KCNQ3: variants seen among roughly 807,000 people sequenced by gnomAD.
KCNQ3 encodes potassium voltage-gated channel subfamily Q member 3.
Under a neutral mutation model 92.5 loss-of-function variants are expected in KCNQ3, and 30 were observed. The observed-to-expected ratio is 0.32, with a 90% confidence interval of 0.24 to 0.44. The LOEUF is 0.44. KCNQ3 is among the 20% of genes least tolerant of loss of function. The pLI is 1.00. For synonymous variants in KCNQ3, 450 were observed against 468.8 expected, an observed-to-expected ratio of 0.96 and a Z score of 0.52; for missense variants, 913 against 1,140.3, an observed-to-expected ratio of 0.80 and a Z score of 2.87.
intron 1 of KCNQ3, among the ~76,000 whole-genome samples, chr8:132,458,232 C>T (rs1256330876): frequency 1.3e-5 from 2 of 152,188 alleles, no homozygotes; most frequent in East Asian, 1.9e-4. Flanking sequence ...AGGTTCCTAC[C>T]TCCCAGCAAC....
intron 1 of KCNQ3, among the ~76,000 whole-genome samples, chr8:132,476,683 T>TAA (rs1822420473): frequency 6.6e-6 from 1 of 152,232 alleles, no homozygotes; most frequent in Non-Finnish European, 1.5e-5. Flanking sequence ...ACTTTTTTTT[T>TAA]ATTTTACAGG....
At chr8:132,291,592 T>C (rs73360803) in intron 1 of KCNQ3, among the ~76,000 whole-genome samples, 3,926 of 152,326 alleles carry the variant, frequency 0.026, 186 homozygotes, top group African/African-American at 0.089. Flanking sequence ...CCAATGTTTA[T>C]CCATTATTGT....
chr8:132,172,431 C>CACACACAG (rs777793487), intron 7 of KCNQ3, among the ~76,000 whole-genome samples, 167 bp downstream of exon 7: 7 of 150,694 alleles, frequency 4.6e-5, no homozygotes, highest in Admixed American at 1.3e-4. Flanking sequence ...CACACACACA[C>CACACACAG]ACACAGACAC....
At chr8:132,459,621 C>T (rs1481283013) in intron 1 of KCNQ3, among the ~76,000 whole-genome samples, 5 of 152,252 alleles carry the variant, frequency 3.3e-5, no homozygotes, top group African/African-American at 1.2e-4. Context: ...CCCCTACTTT[C>T]AACACTGGGC....
intron 8 of KCNQ3, among the ~76,000 whole-genome samples, chr8:132,164,784 A>G (rs1826093839): frequency 6.6e-6 from 1 of 152,108 alleles, no homozygotes; most frequent in Non-Finnish European, 1.5e-5. Flanking sequence ...AGCACTGTCC[A>G]TTCCTCTTTC....
At chr8:132,134,126 C>T (rs1019441291) in intron 13 of KCNQ3, among the ~76,000 whole-genome samples, 164 bp downstream of exon 13, 2 of 152,178 alleles carry the variant, frequency 1.3e-5, no homozygotes, top group Admixed American at 1.3e-4. Flanking sequence ...GTACAGAAAC[C>T]TTTCAAATGG....
At chr8:132,454,253 C>T (rs116572380) in intron 1 of KCNQ3, among the ~76,000 whole-genome samples, 2,006 of 152,208 alleles carry the variant, frequency 0.013, 36 homozygotes, top group African/African-American at 0.046. Context: ...TAGGTTCCAT[C>T]CCAGCTTCAC....
At chr8:132,165,449 T>C (rs569323618) in intron 8 of KCNQ3, among the ~76,000 whole-genome samples, 11 of 152,358 alleles carry the variant, frequency 7.2e-5, no homozygotes, top group African/African-American at 2.4e-4. Context: ...TAGATCATGG[T>C]TGCTAACAGT....
At chr8:132,468,285 G>C (rs1178514244) in intron 1 of KCNQ3, among the ~76,000 whole-genome samples, 1 of 152,126 alleles carries the variant, frequency 6.6e-6, no homozygotes, top group African/African-American at 2.4e-5. Flanking sequence ...TAGTCCAATT[G>C]GGCTAAGCGA....
intron 1 of KCNQ3, among the ~76,000 whole-genome samples, chr8:132,414,790 C>T (rs1449968958): frequency 6.6e-6 from 1 of 152,176 alleles, no homozygotes. Flanking sequence ...AACGCATGAC[C>T]CACCTCATTT....
At chr8:132,355,322 C>T (rs1409648266) in intron 1 of KCNQ3, among the ~76,000 whole-genome samples, 1 of 152,000 alleles carries the variant, frequency 6.6e-6, no homozygotes, top group African/African-American at 2.4e-5. Flanking sequence ...CTCTGTGCCT[C>T]CCCTCCACTC....
chr8:132,411,713 A>G (rs1820656979), intron 1 of KCNQ3, among the ~76,000 whole-genome samples: 1 of 152,160 alleles, frequency 6.6e-6, no homozygotes, highest in African/African-American at 2.4e-5. Flanking sequence ...ACCCAAAGGA[A>G]CTAGAAGCTG....
rs972988245 is a variant in KCNQ3 at position 132,125,784 on chromosome 8, C to G, written c.*3478G>C. On this transcript the variant is annotated 3_prime_UTR_variant, in exon 15 of 15. Transcript: ENST00000388996. ...TTATCTAGTTATGTTTTCATGAAAA[C>G]TAGGGCTTTGTAATATCAATGTCAT... 9.9e-5 allele frequency: 15 copies of G among 152,228 alleles called. No individual in the cohort carries two copies. The highest frequency in any genetic ancestry group is 3.6e-4 in the African/African-American group (15 of 41,550). 9.4% of individuals were successfully genotyped at this position (152,228 alleles called of 1,614,324 possible). A position where few individuals can be genotyped will look rare whatever the true frequency, so the allele number is the denominator to read the frequency against.
chr8:132,197,495 A>G (rs1827331440), intron 1 of KCNQ3, among the ~76,000 whole-genome samples: 1 of 152,218 alleles, frequency 6.6e-6, no homozygotes, highest in African/African-American at 2.4e-5. Context: ...GCTAGAGACA[A>G]GCCATTAGCT....
intron 1 of KCNQ3, among the ~76,000 whole-genome samples, chr8:132,221,405 T>C (rs886849418): frequency 2.0e-5 from 3 of 152,246 alleles, no homozygotes; most frequent in Non-Finnish European, 4.4e-5. Flanking sequence ...TCTTCCACAA[T>C]GGTTGAACTA....
chr8:132,405,724 TCATTTCTTCATTCCATCAA>T (rs1820459038), intron 1 of KCNQ3, among the ~76,000 whole-genome samples: 1 of 152,184 alleles, frequency 6.6e-6, no homozygotes, highest in South Asian at 2.1e-4. Context: ...TAGAGTACAA[TCATTTCTTCATTCCATCAA>T]CATTTCTTCA....
At chr8:132,234,069 G>T (rs966169211) in intron 1 of KCNQ3, among the ~76,000 whole-genome samples, 1 of 152,178 alleles carries the variant, frequency 6.6e-6, no homozygotes, top group African/African-American at 2.4e-5. Context: ...GACAAACCGG[G>T]ACATGTGGCC....
intron 1 of KCNQ3, among the ~76,000 whole-genome samples, chr8:132,416,130 C>T (rs760306551): frequency 6.6e-6 from 1 of 152,148 alleles, no homozygotes; most frequent in African/African-American, 2.4e-5. Context: ...GAGGCACTCA[C>T]GTTTGTTGTT....
At chr8:132,320,862 C>A (rs1023688900) in intron 1 of KCNQ3, among the ~76,000 whole-genome samples, 1 of 152,172 alleles carries the variant, frequency 6.6e-6, no homozygotes, top group African/African-American at 2.4e-5. Context: ...CAGCAGAAGC[C>A]CTCTATTCAC....
Sources: gnomAD v4.1 joint callset for allele counts (sites outside exome capture counted in the v4.1 genomes callset) on GRCh38, gnomAD v4.1.1 for gene constraint, MANE v1.5 for transcripts, NCBI Gene and HGNC (gene_info 2026-07-23, HGNC 2026-07-21) for gene names.